Variants in MAML1 observed in about 807,000 individuals in gnomAD.
MAML1 encodes mastermind like transcriptional coactivator 1, also known as mastermind-like protein 1.
Under a neutral mutation model 77.1 loss-of-function variants are expected in MAML1, and 14 were observed. The ratio of observed to expected loss-of-function variants is 0.18; its 90% CI spans 0.12 to 0.28. MAML1 has a LOEUF of 0.28. Among genes scored for constraint, MAML1 ranks in the 10% least tolerant of loss-of-function variants. The pLI is 1.00. For missense variants in MAML1, 1,217 were observed against 1,327.8 expected (o/e 0.92, Z 1.30); for synonymous variants, 516 against 551.9 (o/e 0.93, Z 0.91).
intron 1 of MAML1, among the ~76,000 whole-genome samples, chr5:179,738,583 A>G (rs1325791087): frequency 6.6e-6 from 1 of 152,052 alleles, no homozygotes; most frequent in Non-Finnish European, 1.5e-5. Context: ...GAAATTATGA[A>G]CAAATATTCT....
rs1351079259 is a variant in MAML1, at chr5:179,752,342, A to ATATATATATATAT, written c.316-12984_316-12983insTATATATATATAT. Reference sequence around the variant, plus strand: ...TCTGTCTCCAAAAAAAAAAAAAAAAAAAAAAAAAATATATATATATATATG... The same window carrying ATATATATATATAT: ...TCTGTCTCCAAAAAAAAAAAAAAAAATATATATATATATAAAAAAAAATATATATATATATATG... On this transcript the variant is annotated intron_variant, in intron 1 of 4. Transcript: ENST00000292599. Among the ~76,000 whole-genome samples the ATATATATATATAT allele has an allele frequency of 2.6e-3, 225 of 86,454 alleles. 1 individual carries two copies. The highest frequency in any genetic ancestry group is 9.5e-3 in the East Asian group (28 of 2,958). The allele number at this position is 86,454 out of a possible 152,430, so 56.7% of individuals were successfully genotyped here. A position where few individuals can be genotyped will look rare whatever the true frequency, so the allele number is the denominator to read the frequency against.
Position 179,766,516 on chromosome 5 carries a change from C to T in MAML1, c.1506C>T (p.Ser502=), listed in dbSNP as rs760836376. Residue 502 remains serine, a synonymous_variant, in exon 2 of 5, where the codon TCC becomes TCT. Transcript: ENST00000292599. The surrounding 1 kb of genome is among the most constrained non-coding windows in gnomAD (Gnocchi z 4.0). ...HQPPSNLNQN[S]ANNQGSVLDY... is the part of the protein sequence containing the mutation. The stretch of plus-strand genomic sequence containing the variant: ...CACCGAGTAACTTGAATCAGAACTC[C>T]GCGAATAACCAGGGGTCTGTGCTGG... The T allele has an allele frequency of 9.4e-6, 15 of 1,602,676 alleles. No homozygotes were observed. The East Asian group carries it at 1.3e-4, about 14-fold the overall frequency.
chr5:179,733,544 C>G (rs1374362427), intron 1 of MAML1, 117 bp downstream of exon 1: 1 of 812,320 alleles, frequency 1.2e-6, no homozygotes, highest in Non-Finnish European at 1.5e-6. Flanking sequence ...ACTCCTGGAT[C>G]TGGCTGGAGA....
intron 1 of MAML1, among the ~76,000 whole-genome samples, chr5:179,760,176 A>C (rs190846465): frequency 3.3e-5 from 5 of 152,240 alleles, no homozygotes; most frequent in Non-Finnish European, 7.4e-5. Context: ...ATCAGATGGC[A>C]CATTTATTCA....
In MAML1 at chr5:179,775,409, A is replaced by G. The variant is rs550342576; in HGVS notation, c.*532A>G. The G allele has an allele frequency of 7.1e-6, 7 of 985,178 alleles. No individual in the cohort carries two copies. The East Asian group carries it at 7.9e-4, about 112-fold the overall frequency. The allele number at this position is 985,178 out of a possible 1,614,324, so 61.0% of individuals were successfully genotyped here. A position where few individuals can be genotyped will look rare whatever the true frequency, so the allele number is the denominator to read the frequency against. ...ATCAATTAAGTGGCATTGGAAACCTAGGGTTTCCTTTTGATTAAGAGCCTT... is the reference window on the plus strand; with the variant it reads ...ATCAATTAAGTGGCATTGGAAACCTGGGGTTTCCTTTTGATTAAGAGCCTT... On this transcript the variant is annotated 3_prime_UTR_variant, in exon 5 of 5. Transcript: ENST00000292599.
chr5:179,755,008 C>T (rs79560635), intron 1 of MAML1, among the ~76,000 whole-genome samples: 2,242 of 152,206 alleles, frequency 0.015, 30 homozygotes, highest in Non-Finnish European at 0.026. Flanking sequence ...GTTGATAAGA[C>T]GCTAAAAGGT....
At chr5:179,740,585 G>A (rs893095380) in intron 1 of MAML1, among the ~76,000 whole-genome samples, 1 of 152,016 alleles carries the variant, frequency 6.6e-6, no homozygotes, top group Admixed American at 6.6e-5. Flanking sequence ...CGATCTTTAA[G>A]TTTTGGAAGA....
chr5:179,766,694 C>A lies in MAML1; in HGVS notation c.1684C>A (p.Pro562Thr). ...GCAGAACTCCCTGTTTCTGATGAAG[C>A]CAAAGCCAGGAAATATGCCTTTCCG... ...HEQNSLFLMK[P>T]KPGNMPFRSL... The change falls in exon 2 of 5, where the codon CCA becomes ACA. Residue 562 changes from proline (P) to threonine (T), a missense_variant. Physicochemically the swap from Pro to Thr is conservative, Grantham distance 38. This residue lies in a region of MAML1 where 884 missense variants were observed against 949.3 expected (regional missense o/e 0.93). Transcript: ENST00000292599. The surrounding 1 kb of genome is among the most constrained non-coding windows in gnomAD (Gnocchi z 4.0). The A allele has an allele frequency of 6.3e-7, 1 of 1,585,168 alleles. No individual in the cohort carries two copies. The highest frequency in any genetic ancestry group is 8.6e-7 in the Non-Finnish European group (1 of 1,165,222).
intron 1 of MAML1, among the ~76,000 whole-genome samples, chr5:179,748,284 G>C (rs1247725636): frequency 1.3e-5 from 2 of 152,092 alleles, no homozygotes; most frequent in African/African-American, 4.8e-5. Context: ...ATTTTGCCAT[G>C]TTGGCCAGGC....
At chr5:179,739,690 A>G (rs2113334672) in intron 1 of MAML1, among the ~76,000 whole-genome samples, 1 of 152,376 alleles carries the variant, frequency 6.6e-6, no homozygotes, top group Middle Eastern at 3.4e-3. Context: ...CATCAAAAAT[A>G]AATAAAAAAT....
Position 179,765,724 on chromosome 5 carries a change from C to G in MAML1, c.714C>G (p.Ser238Arg), listed in dbSNP as rs758663524. The G allele has an allele frequency of 1.9e-6, 3 of 1,613,880 alleles. No individual in the cohort carries two copies. The South Asian group carries it at 3.3e-5, about 18-fold the overall frequency. Residue 238 changes from serine to arginine, a missense_variant, in exon 2 of 5, where the codon AGC becomes AGG. Ser to Arg is a moderately radical substitution (Grantham distance 110, BLOSUM62 -1). This residue lies in a region of MAML1 where 21 missense variants were observed against 47.1 expected (regional missense o/e 0.45). Coordinates refer to ENST00000292599, the MANE Select transcript of MAML1 (RefSeq NM_014757.5). ...ITGTVGSISQ[S>R]NLMPDLNLNE... is the part of the protein sequence containing the mutation. ...GGACTGTCGGCTCCATATCGCAAAG[C>G]AACCTCATGCCAGACCTCAACCTTA...
chr5:179,774,583 A>G lies in MAML1; in HGVS notation c.2757A>G (p.Pro919=). 1 of 1,612,120 alleles carries G rather than the reference A, an allele frequency of 6.2e-7. No homozygotes were observed. The highest frequency in any genetic ancestry group is 1.1e-5 in the South Asian group (1 of 91,006). Reference sequence around the variant, plus strand: ...GGACCAGCGCCCCTGCCCCAGCACCACCCCCAACAGCCCCTCAGCAGGGCT... The same window carrying G: ...GGACCAGCGCCCCTGCCCCAGCACCGCCCCCAACAGCCCCTCAGCAGGGCT... ...QQRTSAPAPA[P]PPTAPQQGLP... is the part of the protein sequence containing the mutation. The change falls in exon 5 of 5, where the codon CCA becomes CCG. Residue 919 remains proline, a synonymous_variant. Coordinates refer to ENST00000292599, the MANE Select transcript of MAML1 (RefSeq NM_014757.5).
In MAML1 at chr5:179,776,031, T is replaced by C; in HGVS notation, c.*1154T>C. The C allele has an allele frequency of 1.0e-6, 1 of 985,820 alleles. No individual in the cohort carries two copies. Among genetic ancestry groups the C allele is most frequent in the Non-Finnish European group, 1.2e-6 (1 of 829,918 alleles). The allele number at this position is 985,820 out of a possible 1,614,324, so 61.1% of individuals were successfully genotyped here. On this transcript the variant is annotated 3_prime_UTR_variant, in exon 5 of 5. Coordinates refer to ENST00000292599, the MANE Select transcript of MAML1 (RefSeq NM_014757.5). ...TCTTAAAGAGATTGCTTTATAACAC[T>C]AAGACATCCTTTCTAAAGATTCAAG...
At position 179,766,216 on chromosome 5, in the gene MAML1, C is replaced by A. The variant is rs765608533; in HGVS notation, c.1206C>A (p.Ile402=). 6.2e-7 allele frequency: 1 copy of A among 1,612,746 alleles called. No homozygotes were observed. The highest frequency in any genetic ancestry group is 1.3e-5 in the African/African-American group (1 of 74,878). ...CCTCTGCCCACCAGCTCCAGCAGATCGCTGCCAAGCAGAAGCGCGAGCAGA... is the reference window on the plus strand; with the variant it reads ...CCTCTGCCCACCAGCTCCAGCAGATAGCTGCCAAGCAGAAGCGCGAGCAGA... ...ELSSAHQLQQ[I]AAKQKREQML... The change falls in exon 2 of 5, where the codon ATC becomes ATA. Residue 402 remains isoleucine, a synonymous_variant. Coordinates refer to ENST00000292599, the MANE Select transcript of MAML1 (RefSeq NM_014757.5). The surrounding 1 kb of genome is among the most constrained non-coding windows in gnomAD (Gnocchi z 4.0).
intron 1 of MAML1, among the ~76,000 whole-genome samples, chr5:179,748,569 C>T (rs975539890): frequency 2.0e-5 from 3 of 151,946 alleles, no homozygotes; most frequent in Non-Finnish European, 4.4e-5. Flanking sequence ...GTAAGTGGTC[C>T]GACATCCGAA....
chr5:179,737,584 C>T (rs1341388219), intron 1 of MAML1, among the ~76,000 whole-genome samples: 1 of 152,130 alleles, frequency 6.6e-6, no homozygotes, highest in East Asian at 1.9e-4. Context: ...TACTGTTTGG[C>T]AGTCATTTCA....
chr5:179,732,929 G>GGCTGGGGGTCGGGCC lies in MAML1; in HGVS notation c.-182_-168dup, dbSNP rs1254481387. 1.0e-5 allele frequency: 3 copies of GGCTGGGGGTCGGGCC among 300,034 alleles called. No individual in the cohort carries two copies. Among genetic ancestry groups the GGCTGGGGGTCGGGCC allele is most frequent in the Non-Finnish European group, 1.8e-5 (3 of 166,154 alleles). The allele number at this position is 300,034 out of a possible 1,614,324, so 18.6% of individuals were successfully genotyped here. On this transcript the variant is annotated 5_prime_UTR_variant, in exon 1 of 5. Coordinates refer to ENST00000292599, the MANE Select transcript of MAML1 (RefSeq NM_014757.5). ...AGGCTTGAGGTAGGCAGCAAGCGCC[G>GGCTGGGGGTCGGGCC]GCTGGGGGTCGGGCCGAGCGGGGCA...
intron 1 of MAML1, among the ~76,000 whole-genome samples, chr5:179,756,113 C>T (rs1019883738): frequency 2.0e-5 from 3 of 151,456 alleles, no homozygotes; most frequent in Non-Finnish European, 2.9e-5. Flanking sequence ...TTGGACACCC[C>T]GAGCTAAATC....
intron 1 of MAML1, among the ~76,000 whole-genome samples, chr5:179,740,716 AG>A (rs901926754): frequency 7.9e-5 from 12 of 152,058 alleles, no homozygotes; most frequent in Admixed American, 5.9e-4. Flanking sequence ...GAGATGGAGA[AG>A]AGGAGATGGG....
Sources: gnomAD v4.1 joint callset for allele counts (sites outside exome capture counted in the v4.1 genomes callset) on GRCh38, gnomAD v4.1.1 for gene constraint, gnomAD v4.1.1 regional missense constraint, Gnocchi (gnomAD v3.1) non-coding constraint, MANE v1.5 for transcripts, NCBI Gene and HGNC (gene_info 2026-07-23, HGNC 2026-07-21) for gene names.